Variants in JPH2 observed in about 807,000 individuals in gnomAD.
JPH2 encodes the protein junctophilin-2.
JPH2 carries 38 observed loss-of-function variants against 55.9 expected under a neutral mutation model. The ratio of observed to expected loss-of-function variants is 0.68; its 90% CI spans 0.52 to 0.89. JPH2 has a LOEUF of 0.89. Ranked by LOEUF, JPH2 falls within the 40% of genes least tolerant of loss-of-function variation. JPH2 has a pLI of 0.00. For missense variants in JPH2, 964 were observed against 1,037.6 expected (o/e 0.93, Z 0.97); for synonymous variants, 480 against 472.4 (o/e 1.02, Z -0.21).
chr20:44,131,555 A>G lies in JPH2; in HGVS notation c.1170-12932T>C, dbSNP rs62204473. On this transcript the variant is annotated intron_variant, in intron 2 of 5. Coordinates refer to ENST00000372980, the MANE Select transcript of JPH2 (RefSeq NM_020433.5). ...AATAATAGTGCCTACATCATAGGGT[A>G]ATGAAAATTAAATGAGTTAATGGCC... is the stretch of plus-strand genomic sequence containing the variant. 1.9e-3 allele frequency among the ~76,000 whole-genome samples: 285 copies of G among 152,346 alleles called. 1 individual carries two copies. The highest frequency in any genetic ancestry group is 3.3e-3 in the Non-Finnish European group (222 of 68,034).
At chr20:44,125,474 CA>C (rs2072269100) in intron 2 of JPH2, among the ~76,000 whole-genome samples, 1 of 152,218 alleles carries the variant, frequency 6.6e-6, no homozygotes, top group African/African-American at 2.4e-5. Flanking sequence ...CAAGGTCACA[CA>C]CTAGAAAGTG....
chr20:44,186,935 A>G lies in JPH2; in HGVS notation c.-230T>C. On this transcript the variant is annotated 5_prime_UTR_variant, in exon 1 of 6. Coordinates refer to ENST00000372980, the MANE Select transcript of JPH2 (RefSeq NM_020433.5). ...CGGGAGCCCCGACTCCACCAGCCAG[A>G]GCAAGGCTGCCTGCTGGAAAGAAAG... 1 of 593,412 alleles carries G rather than the reference A, an allele frequency of 1.7e-6. No individual in the cohort carries two copies. Among genetic ancestry groups the G allele is most frequent in the Non-Finnish European group, 3.0e-6 (1 of 333,360 alleles). 36.8% of individuals were successfully genotyped at this position (593,412 alleles called of 1,614,324 possible).
At chr20:44,176,318 CTTTTT>C (rs58088590) in intron 1 of JPH2, among the ~76,000 whole-genome samples, 1 of 113,650 alleles carries the variant, frequency 8.8e-6, no homozygotes. Flanking sequence ...TCCTATCTGT[CTTTTT>C]TTTTTTTTTT....
At position 44,161,312 on chromosome 20, in the gene JPH2, G is replaced by A. The variant is rs574674392; in HGVS notation, c.380-905C>T. Among the ~76,000 whole-genome samples the A allele has an allele frequency of 2.0e-5, 3 of 152,284 alleles. No individual in the cohort carries two copies. In the South Asian group the frequency reaches 6.2e-4, roughly 32 times the overall value. Reference sequence around the variant, plus strand: ...TATGAAACCATATGGAGGAAGGCTAGTGGTGTGTACAAGGTGTCGGCAACT... The same window carrying A: ...TATGAAACCATATGGAGGAAGGCTAATGGTGTGTACAAGGTGTCGGCAACT... On this transcript the variant is annotated intron_variant, in intron 1 of 5. Coordinates refer to ENST00000372980, the MANE Select transcript of JPH2 (RefSeq NM_020433.5).
chr20:44,156,969 A>G (rs1215577461), intron 2 of JPH2, among the ~76,000 whole-genome samples: 3 of 152,248 alleles, frequency 2.0e-5, no homozygotes, highest in Non-Finnish European at 2.9e-5. Context: ...AAGTTTTTGA[A>G]TCAGAAAGCT....
intron 1 of JPH2, among the ~76,000 whole-genome samples, chr20:44,161,650 G>A (rs895904009): frequency 6.6e-6 from 1 of 151,920 alleles, no homozygotes; most frequent in Non-Finnish European, 1.5e-5. Context: ...GCAAAGATAT[G>A]TGTGTGATAC....
intron 1 of JPH2, among the ~76,000 whole-genome samples, chr20:44,162,931 A>G (rs1423103661): frequency 6.6e-6 from 1 of 150,796 alleles, no homozygotes; most frequent in Non-Finnish European, 1.5e-5. Flanking sequence ...CATCTCATAT[A>G]CCCCATAAAT....
chr20:44,149,433 A>G (rs137919292), intron 2 of JPH2, among the ~76,000 whole-genome samples: 466 of 152,348 alleles, frequency 3.1e-3, no homozygotes, highest in African/African-American at 0.011. Context: ...CTCCGCCTGC[A>G]TAATATTTGT....
chr20:44,114,733 C>T (rs886493119), intron 5 of JPH2, 49 bp downstream of exon 5: 12 of 1,408,848 alleles, frequency 8.5e-6, no homozygotes, highest in Middle Eastern at 2.1e-4. Flanking sequence ...GCTCAAAACT[C>T]CCCAGGGGCT....
intron 1 of JPH2, among the ~76,000 whole-genome samples, chr20:44,180,970 G>T (rs2072777895): frequency 1.3e-5 from 2 of 152,054 alleles, no homozygotes; most frequent in African/African-American, 4.8e-5. Context: ...CAGGGCTGGG[G>T]CATGTGCGGA....
intron 2 of JPH2, among the ~76,000 whole-genome samples, chr20:44,158,290 C>G (rs1349314564): frequency 1.3e-5 from 2 of 152,112 alleles, no homozygotes; most frequent in African/African-American, 4.8e-5. Context: ...AACAAAAGCT[C>G]TGTGGCAGGA....
At chr20:44,125,818 G>A (rs2072271154) in intron 2 of JPH2, among the ~76,000 whole-genome samples, 1 of 151,978 alleles carries the variant, frequency 6.6e-6, no homozygotes, top group African/African-American at 2.4e-5. Flanking sequence ...GAATAATAAG[G>A]GCACGCGTCT....
rs1361952310 is a variant in JPH2, at chr20:44,186,754, G to A, written c.-49C>T. ...CCCCGTCCTCCAGCGTGGGTGCAGA[G>A]GGCGTGGGTGATGCCTGCAACACTC... On this transcript the variant is annotated 5_prime_UTR_variant, in exon 1 of 6. Transcript: ENST00000372980. The A allele has an allele frequency of 1.3e-6, 2 of 1,575,686 alleles. No homozygotes were observed. Among genetic ancestry groups the A allele is most frequent in the Non-Finnish European group, 1.7e-6 (2 of 1,160,262 alleles).
rs184801349 is a variant in JPH2 at position 44,116,422 on chromosome 20, C to G, written c.1289-36G>C. The G allele has an allele frequency of 6.2e-4, 958 of 1,543,400 alleles. 2 individuals carry two copies. The East Asian group carries it at 0.015, about 24-fold the overall frequency. Reference sequence around the variant, plus strand: ...AACACAGGGAGGCTGGGCTCGAACCCCGCACCACTGTTGGGTGATCCTGGG... The same window carrying G: ...AACACAGGGAGGCTGGGCTCGAACCGCGCACCACTGTTGGGTGATCCTGGG... On this transcript the variant is annotated intron_variant, in intron 3 of 5. Transcript: ENST00000372980.
chr20:44,123,563 G>A (rs539473615), intron 2 of JPH2, among the ~76,000 whole-genome samples: 1 of 152,192 alleles, frequency 6.6e-6, no homozygotes, highest in Non-Finnish European at 1.5e-5. Flanking sequence ...CCTTGCCCAA[G>A]GCAGTCTGGA....
chr20:44,167,401 C>A (rs2072664306), intron 1 of JPH2, among the ~76,000 whole-genome samples: 1 of 152,162 alleles, frequency 6.6e-6, no homozygotes, highest in Non-Finnish European at 1.5e-5. Context: ...CTGAATGACA[C>A]TCTTATGTCC....
chr20:44,162,744 CCATATATATATATATATA>C (rs1337088653), intron 1 of JPH2, among the ~76,000 whole-genome samples: 1 of 68,326 alleles, frequency 1.5e-5, no homozygotes, highest in Non-Finnish European at 2.6e-5. Context: ...TAATAAACTT[CCATATATATATATATATA>C]TATATATATA....
Position 44,108,178 on chromosome 20 carries a change from C to T in JPH2, c.*5340G>A, listed in dbSNP as rs1453555189. Among the ~76,000 whole-genome samples the T allele has an allele frequency of 6.6e-6, 1 of 152,352 alleles. No homozygotes were observed. Among genetic ancestry groups the T allele is most frequent in the Non-Finnish European group, 1.5e-5 (1 of 68,020 alleles). On this transcript the variant is annotated 3_prime_UTR_variant, in exon 6 of 6. Coordinates refer to ENST00000372980, the MANE Select transcript of JPH2 (RefSeq NM_020433.5). ...TGGTTAGCTTCCCTGGTTGGCCATA[C>T]TTTGTCATACTGTTACTTATCAATG...
At chr20:44,163,217 A>G (rs2072628283) in intron 1 of JPH2, among the ~76,000 whole-genome samples, 1 of 152,178 alleles carries the variant, frequency 6.6e-6, no homozygotes, top group Non-Finnish European at 1.5e-5. Flanking sequence ...CTCCGTTAAT[A>G]TCTGCAAAAT....
Sources: gnomAD v4.1 joint callset for allele counts (sites outside exome capture counted in the v4.1 genomes callset) on GRCh38, gnomAD v4.1.1 for gene constraint, MANE v1.5 for transcripts, NCBI Gene and HGNC (gene_info 2026-07-23, HGNC 2026-07-21) for gene names.